Variants in FHOD3 observed in about 807,000 individuals in gnomAD.
FHOD3 encodes the protein FH1/FH2 domain-containing protein 3.
In FHOD3, 90 loss-of-function variants were observed where a neutral mutation model predicts 173.0. The observed-to-expected ratio is 0.52, with a 90% CI of 0.44 to 0.62. FHOD3 has a LOEUF of 0.62. Ranked by LOEUF, FHOD3 falls within the 20% of genes least tolerant of loss-of-function variation. The pLI, the probability that FHOD3 is intolerant of heterozygous loss-of-function variation, is 0.00. For synonymous variants in FHOD3, 828 were observed against 823.0 expected (o/e 1.01, Z -0.10); for missense variants, 1,945 against 2,034.7 (o/e 0.96, Z 0.85).
chr18:36,368,068 C>A (rs942317641), intron 2 of FHOD3, among the ~76,000 whole-genome samples: 4 of 152,066 alleles, frequency 2.6e-5, no homozygotes, highest in African/African-American at 9.7e-5. Flanking sequence ...TCAGGCAGTT[C>A]TTTAGAGCAG....
chr18:36,709,524 C>T, intron 18 of FHOD3, 133 bp downstream of exon 18: 1 of 1,002,186 alleles, frequency 1.0e-6, no homozygotes, highest in African/African-American at 1.6e-5. Context: ...GCTGTGTCAC[C>T]CAGTGTCTGG....
intron 28 of FHOD3, among the ~76,000 whole-genome samples, chr18:36,775,985 C>T (rs761759272): frequency 3.3e-5 from 5 of 152,270 alleles, no homozygotes; most frequent in Non-Finnish European, 7.4e-5. Context: ...TCAGCTGGAG[C>T]ATTTGAGTGG....
intron 13 of FHOD3, among the ~76,000 whole-genome samples, chr18:36,655,760 CACACACACACACAA>C (rs2036385047): frequency 7.1e-6 from 1 of 141,014 alleles, no homozygotes. Context: ...CACACACACA[CACACACACACACAA>C]AAATGCTGAA....
chr18:36,685,877 T>A (rs1349227792), intron 15 of FHOD3, among the ~76,000 whole-genome samples: 1 of 152,236 alleles, frequency 6.6e-6, no homozygotes, highest in East Asian at 1.9e-4. Context: ...ACATTAAAAT[T>A]AAGAAAACAG....
At chr18:36,551,046 A>G (rs2057633057) in intron 5 of FHOD3, among the ~76,000 whole-genome samples, 1 of 152,196 alleles carries the variant, frequency 6.6e-6, no homozygotes. Context: ...TGTTATCTGC[A>G]GGGGTTTTTG....
At chr18:36,461,789 G>C (rs1209323928) in intron 3 of FHOD3, among the ~76,000 whole-genome samples, 3 of 152,144 alleles carry the variant, frequency 2.0e-5, no homozygotes, top group African/African-American at 4.8e-5. Flanking sequence ...TGTCTGTTGG[G>C]TAAGAACCAA....
chr18:36,488,162 C>T (rs1399744403), intron 3 of FHOD3, among the ~76,000 whole-genome samples: 1 of 152,170 alleles, frequency 6.6e-6, no homozygotes, highest in Non-Finnish European at 1.5e-5. Context: ...AAAGGAAGAA[C>T]CCTGGCCCCA....
chr18:36,776,582 T>G (rs1223634092), intron 28 of FHOD3, among the ~76,000 whole-genome samples: 1 of 152,238 alleles, frequency 6.6e-6, no homozygotes, highest in Non-Finnish European at 1.5e-5. Flanking sequence ...TAAGAGAATT[T>G]TTTTCAAATT....
chr18:36,515,014 G>A (rs756193227), intron 5 of FHOD3, among the ~76,000 whole-genome samples: 3 of 152,208 alleles, frequency 2.0e-5, no homozygotes, highest in Non-Finnish European at 4.4e-5. Flanking sequence ...AGCCTTTTCT[G>A]GTGAGCCACA....
Position 36,755,222 on chromosome 18 carries a change from C to T in FHOD3, c.4336C>T (p.Arg1446Cys), listed in dbSNP as rs1160569748. 5 of 1,612,344 alleles carry T rather than the reference C, an allele frequency of 3.1e-6. No individual in the cohort carries two copies. The highest frequency in any genetic ancestry group is 4.2e-6 in the Non-Finnish European group (5 of 1,179,314). ...TATTAGTGAATTTGCACTAGAGTAT[C>T]GCACAACCAGGGAAAGGGTTTTGCA... is the stretch of plus-strand genomic sequence containing the variant. Reference protein sequence around the residue: ...RIISEFALEYRTTRERVLQQK... With the variant: ...RIISEFALEYCTTRERVLQQK... Residue 1446 changes from arginine to cysteine, a missense_variant, in exon 25 of 29, where the codon CGC becomes TGC. Coordinates refer to ENST00000590592, the MANE Select transcript of FHOD3 (RefSeq NM_001281740.3).
At chr18:36,410,022 C>T (rs7229477) in intron 3 of FHOD3, among the ~76,000 whole-genome samples, 6,613 of 152,304 alleles carry the variant, frequency 0.043, 477 homozygotes, top group African/African-American at 0.15. Flanking sequence ...CTGTAATTCA[C>T]ATACTATACA....
chr18:36,603,315 G>T (rs544044557), intron 8 of FHOD3, among the ~76,000 whole-genome samples: 1 of 152,226 alleles, frequency 6.6e-6, no homozygotes, highest in Admixed American at 6.5e-5. Context: ...GCAGTGTGCA[G>T]TACGGGAGAA....
At chr18:36,661,841 C>G (rs1019505661) in intron 14 of FHOD3, among the ~76,000 whole-genome samples, 81 of 152,262 alleles carry the variant, frequency 5.3e-4, no homozygotes, top group African/African-American at 1.9e-3. Flanking sequence ...TAATAGGGCT[C>G]TCTTTTAGAA....
intron 17 of FHOD3, among the ~76,000 whole-genome samples, chr18:36,698,593 A>G (rs2039412793): frequency 6.6e-6 from 1 of 152,202 alleles, no homozygotes; most frequent in Admixed American, 6.5e-5. Flanking sequence ...CCAACTCCAA[A>G]AAAAAGAGAA....
chr18:36,358,986 CTT>C (rs1206933151), intron 2 of FHOD3, among the ~76,000 whole-genome samples: 2 of 152,158 alleles, frequency 1.3e-5, no homozygotes, highest in African/African-American at 4.8e-5. Flanking sequence ...TTGAAATAGA[CTT>C]TTTAGGTTCT....
chr18:36,620,898 C>A (rs2033648715), intron 9 of FHOD3, among the ~76,000 whole-genome samples: 1 of 152,150 alleles, frequency 6.6e-6, no homozygotes, highest in African/African-American at 2.4e-5. Context: ...ACAAGCAGAA[C>A]CAATTTTTTT....
At chr18:36,439,761 G>A (rs1346133703) in intron 3 of FHOD3, among the ~76,000 whole-genome samples, 2 of 152,058 alleles carry the variant, frequency 1.3e-5, no homozygotes, top group African/African-American at 4.8e-5. Context: ...GAGGTAGCTG[G>A]TGTTAAGTCC....
At chr18:36,657,407 T>C (rs1442936801) in intron 13 of FHOD3, among the ~76,000 whole-genome samples, 1 of 152,232 alleles carries the variant, frequency 6.6e-6, no homozygotes, top group East Asian at 1.9e-4. Flanking sequence ...TCTAGAATTT[T>C]ACAGATCTTG....
chr18:36,464,867 G>A (rs1163547258), intron 3 of FHOD3, among the ~76,000 whole-genome samples: 1 of 152,000 alleles, frequency 6.6e-6, no homozygotes, highest in Non-Finnish European at 1.5e-5. Context: ...CTTCTTTCTT[G>A]TGTACCATAG....
Sources: allele counts gnomAD v4.1 joint callset (sites outside exome capture counted in the v4.1 genomes callset), GRCh38; gene constraint gnomAD v4.1.1; transcripts MANE v1.5; gene names NCBI Gene and HGNC (gene_info 2026-07-23, HGNC 2026-07-21).